The following GIT2 variants were observed in gnomAD, a reference collection of about 807,000 sequenced individuals.
GIT2 encodes ARF GTPase-activating protein GIT2.
A neutral mutation model predicts 100.3 loss-of-function variants in GIT2; 32 were observed. The ratio of observed to expected loss-of-function variants is 0.32; its 90% confidence interval spans 0.24 to 0.43. The LOEUF is 0.43. Ranked by LOEUF, GIT2 falls within the 20% of genes least tolerant of loss-of-function variation. GIT2 has a pLI of 1.00. For synonymous variants in GIT2, 353 were observed against 364.1 expected (o/e 0.97, Z 0.35); for missense variants, 737 against 975.1 (o/e 0.76, Z 3.25).
intron 3 of GIT2, 45 bp from the exon 4 acceptor site, chr12:109,989,113 A>G: frequency 9.0e-7 from 1 of 1,107,530 alleles, no homozygotes. Context: ...GTTCAGATAC[A>G]ACAATCCCCA....
intron 8 of GIT2, chr12:109,965,891 A>T (rs1882213573): frequency 2.4e-6 from 1 of 410,666 alleles, no homozygotes; most frequent in Non-Finnish European, 4.7e-6. Context: ...TTGAAGTATT[A>T]AAAAAAAAGC....
In GIT2 at chr12:109,948,132, A is replaced by AG; in HGVS notation, c.1393-629_1393-628insC. The AG allele has an allele frequency of 1.0e-6, 1 of 963,522 alleles. No homozygotes were observed. The highest frequency in any genetic ancestry group is 1.2e-6 in the Non-Finnish European group (1 of 809,942). The allele number at this position is 963,522 out of a possible 1,614,324, so 59.7% of individuals were successfully genotyped here. A position where few individuals can be genotyped will look rare whatever the true frequency, so the allele number is the denominator to read the frequency against. ...ACAATTCAGCACTTTGTAAAAAAAA[A>AG]AAGAAAAAAGAGAAAACCGGATCAT... On this transcript the variant is annotated intron_variant, in intron 14 of 19. Coordinates refer to ENST00000355312, the MANE Select transcript of GIT2 (RefSeq NM_057169.5). This position sits in a 1 kb window ranked among gnomAD's most constrained non-coding sequence, Gnocchi z 4.3.
intron 14 of GIT2, among the ~76,000 whole-genome samples, chr12:109,950,468 T>G (rs1198329728): frequency 6.6e-6 from 1 of 152,220 alleles, no homozygotes; most frequent in Non-Finnish European, 1.5e-5. Flanking sequence ...CATAAGGAGT[T>G]GCATACACAA....
chr12:109,951,990 G>A (rs960687851), intron 13 of GIT2, among the ~76,000 whole-genome samples: 3 of 152,180 alleles, frequency 2.0e-5, no homozygotes, highest in Admixed American at 2.0e-4. Flanking sequence ...CTGGGCAGGA[G>A]GCCAGGCGGT....
chr12:109,999,835 G>A (rs1403515907), upstream of GIT2: 23 of 1,464,388 alleles, frequency 1.6e-5, no homozygotes, highest in South Asian at 1.4e-4. This position sits in a 1 kb window ranked among gnomAD's most constrained non-coding sequence, Gnocchi z 4.3. Context: ...CGGGGAATCG[G>A]GGGTCGTTTC....
chr12:109,967,446 C>T lies in GIT2; in HGVS notation c.764+12G>A. ...CGATAGACAAAACTAACTGGTATTT[C>T]AATGAGCTTACCTGTCTGCCATTTG... On this transcript the variant is annotated intron_variant, in intron 8 of 19. Coordinates refer to ENST00000355312, the MANE Select transcript of GIT2 (RefSeq NM_057169.5). 1.3e-6 allele frequency: 2 copies of T among 1,577,428 alleles called. No homozygotes were observed. The highest frequency in any genetic ancestry group is 1.7e-6 in the Non-Finnish European group (2 of 1,146,892).
upstream of GIT2, chr12:109,998,740 T>C (rs1593189141): frequency 1.3e-5 from 2 of 152,158 alleles, no homozygotes; most frequent in Non-Finnish European, 2.9e-5. Context: ...GGAGTTCAAA[T>C]AGAAGCGGTT....
At chr12:109,966,527 AAAG>A (rs964978684) in intron 8 of GIT2, among the ~76,000 whole-genome samples, 2 of 149,966 alleles carry the variant, frequency 1.3e-5, no homozygotes, top group African/African-American at 4.9e-5. Flanking sequence ...AAAAAAAAAA[AAAG>A]AAAGAAAAGA....
At chr12:109,970,037 T>A (rs933523166) in intron 7 of GIT2, among the ~76,000 whole-genome samples, 5 of 152,082 alleles carry the variant, frequency 3.3e-5, no homozygotes, top group Non-Finnish European at 7.4e-5. Flanking sequence ...ATTACAGGCA[T>A]GAGCCACCGT....
intron 16 of GIT2, among the ~76,000 whole-genome samples, chr12:109,943,835 G>T (rs961518902): frequency 1.3e-5 from 2 of 151,876 alleles, no homozygotes; most frequent in African/African-American, 4.8e-5. Context: ...GGGACTACAG[G>T]TGCACATCAA....
chr12:109,990,337 A>C (rs1396033948), intron 2 of GIT2, among the ~76,000 whole-genome samples: 1 of 152,240 alleles, frequency 6.6e-6, no homozygotes, highest in Non-Finnish European at 1.5e-5. Context: ...CTGGCATTCT[A>C]AACAACTCAT....
At position 109,989,687 on chromosome 12, in the gene GIT2, C is replaced by T; in HGVS notation, c.299+3G>A. The T allele has an allele frequency of 7.5e-7, 1 of 1,341,420 alleles. No individual in the cohort carries two copies. The highest frequency in any genetic ancestry group is 1.1e-6 in the Non-Finnish European group (1 of 933,786). The allele number at this position is 1,341,420 out of a possible 1,614,324, so 83.1% of individuals were successfully genotyped here. A position where few individuals can be genotyped will look rare whatever the true frequency, so the allele number is the denominator to read the frequency against. On this transcript the variant is annotated splice_donor_region_variant and intron_variant, in intron 3 of 19. Transcript: ENST00000355312. ...TAAAAGTATTTATAAACATTCCACT[C>T]ACTGTACTTTATCCTGTGGATTAGC...
Position 109,996,280 on chromosome 12 carries a change from G to T in GIT2, c.-56C>A. ...AGGCCGGGGGACAGCAAAGGCGGCG[G>T]TGGCGGCGGCGCTTCCGCTCTAACG... On this transcript the variant is annotated 5_prime_UTR_variant, in exon 1 of 20. Coordinates refer to ENST00000355312, the MANE Select transcript of GIT2 (RefSeq NM_057169.5). 1 of 1,295,082 alleles carries T rather than the reference G, an allele frequency of 7.7e-7. No individual in the cohort carries two copies. The highest frequency in any genetic ancestry group is 1.1e-6 in the Non-Finnish European group (1 of 933,712). 80.2% of individuals were successfully genotyped at this position (1,295,082 alleles called of 1,614,324 possible). A position where few individuals can be genotyped will look rare whatever the true frequency, so the allele number is the denominator to read the frequency against.
intron 18 of GIT2, among the ~76,000 whole-genome samples, chr12:109,936,868 CAAA>C (rs112015119): frequency 1.1e-4 from 10 of 91,742 alleles, no homozygotes; most frequent in Admixed American, 1.3e-4. Context: ...GACTCTGTCT[CAAA>C]AAAAAAAAAA....
intron 7 of GIT2, among the ~76,000 whole-genome samples, chr12:109,979,485 G>A (rs560482547): frequency 1.3e-5 from 2 of 152,036 alleles, no homozygotes; most frequent in Non-Finnish European, 2.9e-5. Flanking sequence ...ATGTTGGCCA[G>A]GATGATCTGG....
At chr12:109,957,993 G>A (rs1593024083) in intron 12 of GIT2, among the ~76,000 whole-genome samples, 1 of 147,562 alleles carries the variant, frequency 6.8e-6, no homozygotes, top group Non-Finnish European at 1.5e-5. Flanking sequence ...CACTCAGGCT[G>A]GAGTGCAGTG....
At chr12:109,961,172 T>C (rs1022878695) in intron 11 of GIT2, 106 bp downstream of exon 11, 41 of 679,256 alleles carry the variant, frequency 6.0e-5, no homozygotes, top group Non-Finnish European at 9.5e-5. Context: ...ATAAAGGATA[T>C]TAAATTTTAA....
rs552128717 is a variant in GIT2, at chr12:109,955,057, C to T, written c.1100-1823G>A. On this transcript the variant is annotated intron_variant, in intron 12 of 19. Coordinates refer to ENST00000355312, the MANE Select transcript of GIT2 (RefSeq NM_057169.5). ...CTTATAGCCATTGTTATTTGTTGATCTATTTCTAGGTTTTTCTCCGAGCAC... is the reference window on the plus strand; with the variant it reads ...CTTATAGCCATTGTTATTTGTTGATTTATTTCTAGGTTTTTCTCCGAGCAC... Among the ~76,000 whole-genome samples, 7 of 152,180 alleles carry T rather than the reference C, an allele frequency of 4.6e-5. No individual in the cohort carries two copies. The South Asian group carries it at 1.5e-3, about 32-fold the overall frequency.
At chr12:109,999,630 A>G, upstream of GIT2, 1 of 1,399,734 alleles carries the variant, frequency 7.1e-7, no homozygotes, top group Non-Finnish European at 9.6e-7. The surrounding 1 kb of genome is among the most constrained non-coding windows in gnomAD (Gnocchi z 4.3). Flanking sequence ...GGCGCGGGAG[A>G]CCCCGCCGGG....
Sources: allele counts gnomAD v4.1 joint callset (sites outside exome capture counted in the v4.1 genomes callset), GRCh38; gene constraint gnomAD v4.1.1; non-coding constraint Gnocchi (gnomAD v3.1); transcripts MANE v1.5; gene names NCBI Gene and HGNC (gene_info 2026-07-23, HGNC 2026-07-21).